XKR6: variants seen among roughly 807,000 people sequenced by gnomAD.
XKR6 encodes the protein XK related 6.
XKR6 carries 22 observed loss-of-function variants against 56.7 expected under a neutral mutation model. The observed-to-expected ratio is 0.39, with a 90% confidence interval of 0.28 to 0.55. The LOEUF is 0.55. Among genes scored for constraint, XKR6 ranks in the 20% least tolerant of loss-of-function variants. The pLI, the probability that XKR6 is intolerant of heterozygous loss-of-function variation, is 0.66. For missense variants in XKR6, 852 were observed against 889.0 expected (o/e 0.96, Z 0.53); for synonymous variants, 524 against 387.8 (o/e 1.35, Z -4.13).
intron 1 of XKR6, among the ~76,000 whole-genome samples, chr8:11,119,841 ATCAAGTGGGCT>A (rs1299714678): frequency 6.6e-6 from 1 of 152,238 alleles, no homozygotes; most frequent in Admixed American, 6.5e-5. Flanking sequence ...ATCCACCATG[ATCAAGTGGGCT>A]TCATCCCTGG....
At chr8:11,164,596 G>C (rs17782554) in intron 1 of XKR6, among the ~76,000 whole-genome samples, 42,775 of 152,124 alleles carry the variant, frequency 0.28, 7,298 homozygotes, top group Middle Eastern at 0.39. Flanking sequence ...ACATTATAAG[G>C]TATGTGGCCA....
At chr8:11,141,940 A>T (rs911586919) in intron 1 of XKR6, among the ~76,000 whole-genome samples, 4 of 151,530 alleles carry the variant, frequency 2.6e-5, no homozygotes, top group African/African-American at 9.7e-5. Flanking sequence ...GGTTATAGGG[A>T]TGTCACCAAA....
chr8:10,897,927 C>T lies in XKR6; in HGVS notation c.*25G>A. On this transcript the variant is annotated 3_prime_UTR_variant, in exon 3 of 3. Transcript: ENST00000416569. The stretch of plus-strand genomic sequence containing the variant: ...TTGCCGCAAACCAAACTTAAGGTCC[C>T]CTTCTCAACTTGGTCAAGATGCTCT... 1 of 1,529,246 alleles carries T rather than the reference C, an allele frequency of 6.5e-7. No individual in the cohort carries two copies. Among genetic ancestry groups the T allele is most frequent in the Non-Finnish European group, 8.8e-7 (1 of 1,138,904 alleles). 94.7% of individuals were successfully genotyped at this position (1,529,246 alleles called of 1,614,324 possible).
intron 1 of XKR6, among the ~76,000 whole-genome samples, chr8:10,969,085 G>C (rs576785520): frequency 1.5e-4 from 23 of 152,320 alleles, no homozygotes; most frequent in African/African-American, 5.3e-4. Flanking sequence ...TCACAGTCTT[G>C]TGTGACAAAA....
chr8:11,080,585 C>A (rs543834002), intron 1 of XKR6, among the ~76,000 whole-genome samples: 163 of 6,904 alleles, frequency 0.024, 1 homozygote, highest in African/African-American at 0.095. Context: ...CAGTGACAGT[C>A]TGGGCAGGCC....
At chr8:11,049,059 AC>A (rs1467591975) in intron 1 of XKR6, among the ~76,000 whole-genome samples, 1 of 152,108 alleles carries the variant, frequency 6.6e-6, no homozygotes, top group Non-Finnish European at 1.5e-5. Flanking sequence ...TCTGGAGGTC[AC>A]CCTGCTGAAG....
chr8:11,041,937 A>G (rs1799296700), intron 1 of XKR6, among the ~76,000 whole-genome samples: 1 of 152,240 alleles, frequency 6.6e-6, no homozygotes. Context: ...ACACACATGT[A>G]TACACACCCA....
At chr8:10,904,090 A>G (rs1800118096) in intron 2 of XKR6, among the ~76,000 whole-genome samples, 1 of 152,062 alleles carries the variant, frequency 6.6e-6, no homozygotes, top group South Asian at 2.1e-4. Context: ...CAGCTCCATC[A>G]CTGACTGCAT....
chr8:11,057,664 T>C (rs745627794), intron 1 of XKR6, among the ~76,000 whole-genome samples: 1 of 152,198 alleles, frequency 6.6e-6, no homozygotes, highest in Non-Finnish European at 1.5e-5. Context: ...CCAGGCTCCA[T>C]TGGCGACTGT....
In XKR6 at chr8:10,896,181, A is replaced by G. The variant is rs1324620359; in HGVS notation, c.*1771T>C. 6.6e-6 allele frequency: 1 copy of G among 150,938 alleles called. No homozygotes were observed. Among genetic ancestry groups the G allele is most frequent in the Non-Finnish European group, 1.5e-5 (1 of 67,744 alleles). 9.3% of individuals were successfully genotyped at this position (150,938 alleles called of 1,614,324 possible). A position where few individuals can be genotyped will look rare whatever the true frequency, so the allele number is the denominator to read the frequency against. ...CCCAAGTAGAGATACGATGCGATTG[A>G]AACGATGCCCTAGAACAGAAATATT... On this transcript the variant is annotated 3_prime_UTR_variant, in exon 3 of 3. Transcript: ENST00000416569.
At chr8:11,189,584 G>A (rs560451827) in intron 1 of XKR6, among the ~76,000 whole-genome samples, 2 of 152,096 alleles carry the variant, frequency 1.3e-5, no homozygotes, top group Non-Finnish European at 2.9e-5. Flanking sequence ...GATGCCTAGT[G>A]ATAAAAAGTT....
chr8:11,001,396 A>G (rs2129143082), intron 1 of XKR6, among the ~76,000 whole-genome samples: 1 of 152,268 alleles, frequency 6.6e-6, no homozygotes, highest in South Asian at 2.1e-4. Context: ...GCTCTGAGGC[A>G]CCCTCAAATA....
chr8:10,951,284 A>AGTGT (rs1430390819), intron 1 of XKR6, among the ~76,000 whole-genome samples: 3 of 91,696 alleles, frequency 3.3e-5, no homozygotes, highest in African/African-American at 7.3e-5. Context: ...GGGATAGAAA[A>AGTGT]GTGTGTGTGT....
chr8:10,914,908 T>G (rs1325901459), intron 2 of XKR6, among the ~76,000 whole-genome samples: 1 of 152,218 alleles, frequency 6.6e-6, no homozygotes, highest in Non-Finnish European at 1.5e-5. Context: ...AAGGCCTTTG[T>G]CTGGGCCACT....
intron 1 of XKR6, among the ~76,000 whole-genome samples, chr8:10,999,261 G>C (rs1306558069): frequency 2.6e-5 from 4 of 152,216 alleles, no homozygotes; most frequent in African/African-American, 9.7e-5. Flanking sequence ...TTAAGGAAAT[G>C]ACTGTTATGA....
intron 1 of XKR6, among the ~76,000 whole-genome samples, chr8:11,090,415 TTTC>T (rs1013551534): frequency 6.6e-6 from 1 of 151,760 alleles, no homozygotes; most frequent in African/African-American, 2.4e-5. Flanking sequence ...GTTTTTTTTT[TTTC>T]TTAATTTCCA....
intron 1 of XKR6, among the ~76,000 whole-genome samples, chr8:11,029,059 C>G (rs556602795): frequency 6.6e-6 from 1 of 152,246 alleles, no homozygotes; most frequent in African/African-American, 2.4e-5. Context: ...CCTGTTAGGA[C>G]ACCAGTGATG....
At chr8:11,190,234 A>G (rs1267116646) in intron 1 of XKR6, among the ~76,000 whole-genome samples, 1 of 133,968 alleles carries the variant, frequency 7.5e-6, no homozygotes, top group African/African-American at 2.9e-5. Context: ...GAGAAAAGAA[A>G]AAAGAAAAAA....
chr8:11,019,443 C>T (rs550216907), intron 1 of XKR6, among the ~76,000 whole-genome samples: 1 of 152,378 alleles, frequency 6.6e-6, no homozygotes, highest in South Asian at 2.1e-4. Context: ...CTCCATCCCA[C>T]CTCTTCAGAG....
Sources: gnomAD v4.1 joint callset for allele counts (sites outside exome capture counted in the v4.1 genomes callset) on GRCh38, gnomAD v4.1.1 for gene constraint, MANE v1.5 for transcripts, NCBI Gene and HGNC (gene_info 2026-07-23, HGNC 2026-07-21) for gene names.